RYR2: variants seen among roughly 807,000 people sequenced by gnomAD.
RYR2 encodes cardiac muscle ryanodine receptor-calcium release channel.
In RYR2, 227 loss-of-function variants were observed where a neutral mutation model predicts 601.1. The observed-to-expected ratio is 0.38, with a 90% CI of 0.34 to 0.42. The LOEUF is 0.42. Ranked by LOEUF, RYR2 falls within the 10% of genes least tolerant of loss-of-function variation. The probability of loss-of-function intolerance (pLI) is 1.00; values close to 1 mark genes in which losing one functional copy is unlikely to be tolerated. For missense variants in RYR2, 4,646 were observed against 6,156.5 expected, an observed-to-expected ratio of 0.75 and a Z score of 8.21; for synonymous variants, 2,223 against 2,175.1, an observed-to-expected ratio of 1.02 and a Z score of -0.61.
At chr1:237,692,063 A>C (rs78860812) in intron 63 of RYR2, among the ~76,000 whole-genome samples, 3,989 of 152,310 alleles carry the variant, frequency 0.026, 60 homozygotes, top group South Asian at 0.039. Context: ...TTTTAGAGGA[A>C]GCAGCATCTG....
At position 237,366,385 on chromosome 1, in the gene RYR2, C is replaced by A. The variant is rs547835245; in HGVS notation, c.309+2013C>A. ...GGATTGTTACAGTCCTTCGGTGACCCTGTTGTGTGATTCACTACTTATTTT... is the reference window on the plus strand; with the variant it reads ...GGATTGTTACAGTCCTTCGGTGACCATGTTGTGTGATTCACTACTTATTTT... On this transcript the variant is annotated intron_variant, in intron 5 of 104. Transcript: ENST00000366574. Among the ~76,000 whole-genome samples, 8 of 152,236 alleles carry A rather than the reference C, an allele frequency of 5.3e-5. No individual in the cohort carries two copies. In the East Asian group the frequency reaches 1.5e-3, roughly 29 times the overall value.
intron 1 of RYR2, among the ~76,000 whole-genome samples, chr1:237,166,306 G>A (rs759109885): frequency 6.6e-6 from 1 of 152,190 alleles, no homozygotes; most frequent in South Asian, 2.1e-4. Flanking sequence ...GACAGCACCA[G>A]CAATAAAACA....
chr1:237,755,043 TC>T (rs1558348028), intron 80 of RYR2: 1 of 1,283,576 alleles, frequency 7.8e-7, no homozygotes. Context: ...AAAACCCTGA[TC>T]AATTTTGTTT....
At chr1:237,783,191 A>G (rs1213864425) in intron 89 of RYR2, among the ~76,000 whole-genome samples, 3 of 150,984 alleles carry the variant, frequency 2.0e-5, no homozygotes, top group Admixed American at 6.6e-5. Flanking sequence ...TTAAGTCACA[A>G]TGGGCCCATT....
chr1:237,674,090 T>C lies in RYR2; in HGVS notation c.8591-6T>C, dbSNP rs371383631. On this transcript the variant is annotated splice_polypyrimidine_tract_variant and splice_region_variant and intron_variant, in intron 58 of 104. Coordinates refer to ENST00000366574, the MANE Select transcript of RYR2 (RefSeq NM_001035.3). Reference sequence around the variant, plus strand: ...ATGCTGTGTTCTTGTCCTGACATACTCTTAGGAGGAGGAAACCATCCTCTG... The same window carrying C: ...ATGCTGTGTTCTTGTCCTGACATACCCTTAGGAGGAGGAAACCATCCTCTG... 6.2e-6 allele frequency: 10 copies of C among 1,609,988 alleles called. No individual in the cohort carries two copies. The African/African-American group carries it at 6.7e-5, about 11-fold the overall frequency.
At chr1:237,257,611 G>T (rs950801893) in intron 1 of RYR2, among the ~76,000 whole-genome samples, 1 of 152,144 alleles carries the variant, frequency 6.6e-6, no homozygotes, top group Non-Finnish European at 1.5e-5. Flanking sequence ...CAGGGATGCG[G>T]TATGAACGAG....
At chr1:237,425,037 CAT>C (rs959124397) in intron 12 of RYR2, among the ~76,000 whole-genome samples, 173 of 152,146 alleles carry the variant, frequency 1.1e-3, no homozygotes, top group African/African-American at 4.0e-3. Flanking sequence ...AACAAGAAAA[CAT>C]ATTCATTATT....
At chr1:237,317,016 T>C (rs1424894806) in intron 2 of RYR2, among the ~76,000 whole-genome samples, 1 of 152,130 alleles carries the variant, frequency 6.6e-6, no homozygotes, top group East Asian at 1.9e-4. Flanking sequence ...TCCATGACTA[T>C]TGGAAAGAAC....
chr1:237,445,312 A>G, intron 13 of RYR2, 89 bp from the exon 14 acceptor site: 1 of 1,533,192 alleles, frequency 6.5e-7, no homozygotes, highest in South Asian at 1.2e-5. Flanking sequence ...ATCTGTTGTT[A>G]TGGCTCAGCT....
At chr1:237,255,842 T>A (rs1687908137) in intron 1 of RYR2, among the ~76,000 whole-genome samples, 1 of 148,840 alleles carries the variant, frequency 6.7e-6, no homozygotes, top group African/African-American at 2.5e-5. Context: ...TATACCAGTG[T>A]GTGTGTGTGT....
At chr1:237,520,729 T>C (rs920329791) in intron 24 of RYR2, among the ~76,000 whole-genome samples, 1 of 152,054 alleles carries the variant, frequency 6.6e-6, no homozygotes, top group African/African-American at 2.4e-5. Context: ...AACAGAGCAA[T>C]AACAAGTAGC....
At chr1:237,399,020 C>G (rs1703104856) in intron 10 of RYR2, among the ~76,000 whole-genome samples, 2 of 152,030 alleles carry the variant, frequency 1.3e-5, no homozygotes, top group Admixed American at 1.3e-4. Flanking sequence ...ATGGTAAAAC[C>G]CTGTCTCTAT....
Position 237,376,948 on chromosome 1 carries a change from A to G in RYR2, c.464-375A>G, listed in dbSNP as rs570824888. Among the ~76,000 whole-genome samples, 290 of 152,324 alleles carry G rather than the reference A, an allele frequency of 1.9e-3. 2 individuals carry two copies. The highest frequency in any genetic ancestry group is 6.8e-3 in the African/African-American group (281 of 41,572). ...GTCACAAAACCCCAAGTCCTTATGAAAATTGACAAAAAACAAGATGATTTT... is the reference window on the plus strand; with the variant it reads ...GTCACAAAACCCCAAGTCCTTATGAGAATTGACAAAAAACAAGATGATTTT... On this transcript the variant is annotated intron_variant, in intron 7 of 104. Coordinates refer to ENST00000366574, the MANE Select transcript of RYR2 (RefSeq NM_001035.3).
intron 1 of RYR2, among the ~76,000 whole-genome samples, chr1:237,254,534 G>T (rs1354830135): frequency 6.6e-6 from 1 of 152,146 alleles, no homozygotes; most frequent in African/African-American, 2.4e-5. Flanking sequence ...TTTTAACATG[G>T]TTTGTACAAT....
chr1:237,479,267 C>T (rs929570909), intron 17 of RYR2, among the ~76,000 whole-genome samples: 1 of 152,208 alleles, frequency 6.6e-6, no homozygotes, highest in African/African-American at 2.4e-5. Context: ...TATCTCACAA[C>T]TATATACCAT....
chr1:237,262,321 T>C (rs1210421286), intron 1 of RYR2, among the ~76,000 whole-genome samples: 1 of 142,030 alleles, frequency 7.0e-6, no homozygotes, highest in East Asian at 2.4e-4. Flanking sequence ...AATGGCACTC[T>C]CTTGGCTCAC....
intron 1 of RYR2, among the ~76,000 whole-genome samples, chr1:237,182,070 A>G (rs180837750): frequency 9.9e-5 from 15 of 152,182 alleles, no homozygotes; most frequent in Non-Finnish European, 1.6e-4. Flanking sequence ...TATGTTATGC[A>G]TATGTAGATT....
chr1:237,783,630 A>C (rs753790318), intron 89 of RYR2, 45 bp from the exon 90 acceptor site: 1 of 1,226,288 alleles, frequency 8.2e-7, no homozygotes, highest in African/African-American at 1.5e-5. Flanking sequence ...ATGATCACTG[A>C]TTTTGTTAGT....
intron 2 of RYR2, among the ~76,000 whole-genome samples, chr1:237,280,942 A>ACCTG (rs1165823066): frequency 2.6e-5 from 4 of 151,656 alleles, no homozygotes; most frequent in African/African-American, 7.3e-5. Context: ...GCACCACCAC[A>ACCTG]CCTGGCTAAT....
Sources: allele counts gnomAD v4.1 joint callset (sites outside exome capture counted in the v4.1 genomes callset), GRCh38; gene constraint gnomAD v4.1.1; transcripts MANE v1.5; gene names NCBI Gene and HGNC (gene_info 2026-07-23, HGNC 2026-07-21).